The following TMEM108 variants were observed in gnomAD, a reference collection of about 807,000 sequenced individuals.
TMEM108 encodes the protein cancer/testis antigen 124.
TMEM108 carries 12 observed loss-of-function variants against 35.1 expected under a neutral mutation model. The ratio of observed to expected loss-of-function variants is 0.34; its 90% CI spans 0.22 to 0.55. TMEM108 has a LOEUF of 0.55. Ranked by LOEUF, TMEM108 falls within the 20% of genes least tolerant of loss-of-function variation. TMEM108 has a pLI of 0.89. For synonymous variants in TMEM108, 287 were observed against 308.6 expected, an observed-to-expected ratio of 0.93 and a Z score of 0.73; for missense variants, 680 against 753.3, an observed-to-expected ratio of 0.90 and a Z score of 1.14.
chr3:133,219,449 G>A (rs1368397936), intron 2 of TMEM108, among the ~76,000 whole-genome samples: 2 of 150,788 alleles, frequency 1.3e-5, no homozygotes, highest in Non-Finnish European at 3.0e-5. Flanking sequence ...TTATTTATTT[G>A]AAATATTCTT....
rs1559859793 is a variant in TMEM108, at chr3:133,181,028, A to AAAC, written c.-46-48236_-46-48235insCAA. Among the ~76,000 whole-genome samples the AAAC allele has an allele frequency of 2.7e-3, 384 of 144,866 alleles. 3 individuals carry two copies. Among genetic ancestry groups the AAAC allele is most frequent in the African/African-American group, 9.8e-3 (353 of 36,136 alleles). On this transcript the variant is annotated intron_variant, in intron 2 of 5. Coordinates refer to ENST00000321871, the MANE Select transcript of TMEM108 (RefSeq NM_023943.4). ...TGTGTTAAAAAAAAAAAAAAAAAAA[A>AAAC]AAAAAAAAAACAGCACTCCCAAAGC... is the stretch of plus-strand genomic sequence containing the variant.
chr3:133,176,693 T>G (rs1945236078), intron 2 of TMEM108, among the ~76,000 whole-genome samples: 1 of 150,314 alleles, frequency 6.7e-6, no homozygotes, highest in African/African-American at 2.4e-5. Flanking sequence ...TGTATAGCAC[T>G]AAATGCCCAC....
At chr3:133,297,542 G>C (rs373765236) in intron 3 of TMEM108, among the ~76,000 whole-genome samples, 4 of 152,240 alleles carry the variant, frequency 2.6e-5, no homozygotes, top group African/African-American at 9.6e-5. Context: ...ACCTGGGGGT[G>C]GGGGGAGACT....
At chr3:133,099,262 G>A (rs1284277357) in intron 2 of TMEM108, among the ~76,000 whole-genome samples, 1 of 152,178 alleles carries the variant, frequency 6.6e-6, no homozygotes, top group African/African-American at 2.4e-5. Context: ...CATGGCTGGA[G>A]CAGCTGAGAC....
At chr3:133,266,797 G>A (rs1460027263) in intron 3 of TMEM108, among the ~76,000 whole-genome samples, 2 of 151,994 alleles carry the variant, frequency 1.3e-5, no homozygotes, top group Admixed American at 6.6e-5. Flanking sequence ...AGGTGGCCGG[G>A]CGTGGTGGCT....
intron 2 of TMEM108, among the ~76,000 whole-genome samples, chr3:133,172,035 T>C (rs939432831): frequency 6.6e-6 from 1 of 152,204 alleles, no homozygotes; most frequent in Non-Finnish European, 1.5e-5. Flanking sequence ...TTACATACTT[T>C]GATGATAATG....
At chr3:133,228,022 AGGGGAAATT>A (rs924728229) in intron 2 of TMEM108, among the ~76,000 whole-genome samples, 11 of 152,344 alleles carry the variant, frequency 7.2e-5, no homozygotes, top group African/African-American at 2.4e-4. Context: ...TTGCCAAAGG[AGGGGAAATT>A]GGGGAGTGAC....
At chr3:133,312,000 A>T (rs575396361) in intron 3 of TMEM108, among the ~76,000 whole-genome samples, 1 of 152,318 alleles carries the variant, frequency 6.6e-6, no homozygotes, top group Non-Finnish European at 1.5e-5. Flanking sequence ...AGTTTGCTGG[A>T]CATCCACTCC....
rs138657362 is a variant in TMEM108, at chr3:133,145,166, T to G, written c.-46-84100T>G. Among the ~76,000 whole-genome samples, 1,375 of 152,342 alleles carry G rather than the reference T, an allele frequency of 9.0e-3. 10 individuals are homozygous for G. Among genetic ancestry groups the G allele is most frequent in the Middle Eastern group, 0.027 (8 of 294 alleles). On this transcript the variant is annotated intron_variant, in intron 2 of 5. Transcript: ENST00000321871. ...TAAGATGTAAAGAAGGGGTCCAGTT[T>G]TAGTTTTCTGCATATGACTAGCCAG...
intron 3 of TMEM108, among the ~76,000 whole-genome samples, chr3:133,310,248 G>A (rs940291975): frequency 2.0e-5 from 3 of 151,880 alleles, no homozygotes; most frequent in Admixed American, 6.6e-5. Flanking sequence ...TTCAAGTCCC[G>A]GATATCCTTG....
chr3:133,341,618 A>T (rs1022611150), intron 3 of TMEM108, among the ~76,000 whole-genome samples: 6 of 151,936 alleles, frequency 3.9e-5, no homozygotes, highest in Non-Finnish European at 8.8e-5. Flanking sequence ...TGGAAGAATC[A>T]TATTACTTGA....
chr3:133,309,388 T>G (rs1200014288), intron 3 of TMEM108, among the ~76,000 whole-genome samples: 3 of 152,180 alleles, frequency 2.0e-5, no homozygotes, highest in Non-Finnish European at 4.4e-5. Flanking sequence ...CTTAGTTATT[T>G]CTCACCTTCT....
chr3:133,291,941 AT>A (rs1156576016), intron 3 of TMEM108, among the ~76,000 whole-genome samples: 1 of 152,176 alleles, frequency 6.6e-6, no homozygotes, highest in Non-Finnish European at 1.5e-5. Context: ...GTTGAAAATC[AT>A]TTGGCTGAGC....
chr3:133,345,957 G>A (rs1400498851), intron 3 of TMEM108, among the ~76,000 whole-genome samples: 3 of 151,822 alleles, frequency 2.0e-5, no homozygotes, highest in Non-Finnish European at 4.4e-5. Flanking sequence ...GTCTTTTTGT[G>A]CTTTGATAAC....
chr3:133,242,556 C>G (rs1946328720), intron 3 of TMEM108, among the ~76,000 whole-genome samples: 1 of 152,180 alleles, frequency 6.6e-6, no homozygotes. Flanking sequence ...GTGCTATAGG[C>G]ATGTGAGCTT....
chr3:133,282,114 AC>A (rs1946922482), intron 3 of TMEM108, among the ~76,000 whole-genome samples: 1 of 152,168 alleles, frequency 6.6e-6, no homozygotes, highest in African/African-American at 2.4e-5. Context: ...CCGAGATCAC[AC>A]CACTGTACTC....
rs973293788 is a variant in TMEM108 at position 133,072,864 on chromosome 3, G to A, written c.-47+26844G>A. ...GGCAGTAATCTACTTTGTATCTCTG[G>A]ATTTGCTTATTCTGGACAATTCCTA... On this transcript the variant is annotated intron_variant, in intron 2 of 5. Coordinates refer to ENST00000321871, the MANE Select transcript of TMEM108 (RefSeq NM_023943.4). Among the ~76,000 whole-genome samples the A allele has an allele frequency of 1.8e-4, 28 of 151,942 alleles. 1 individual carries two copies. Among genetic ancestry groups the A allele is most frequent in the Non-Finnish European group, 8.8e-5 (6 of 67,956 alleles).
chr3:133,066,526 C>G (rs1230571051), intron 2 of TMEM108, among the ~76,000 whole-genome samples: 1 of 152,038 alleles, frequency 6.6e-6, no homozygotes, highest in Non-Finnish European at 1.5e-5. Flanking sequence ...TTTGCATGGA[C>G]ACATATATGA....
intron 2 of TMEM108, among the ~76,000 whole-genome samples, chr3:133,142,493 G>T (rs1188830147): frequency 6.6e-6 from 1 of 152,120 alleles, no homozygotes; most frequent in African/African-American, 2.4e-5. Flanking sequence ...GCTCAGGGTG[G>T]ATGTGTGTGC....
Sources: gnomAD v4.1 joint callset for allele counts (sites outside exome capture counted in the v4.1 genomes callset) on GRCh38, gnomAD v4.1.1 for gene constraint, MANE v1.5 for transcripts, NCBI Gene and HGNC (gene_info 2026-07-23, HGNC 2026-07-21) for gene names.